The following CERS6 variants were observed in gnomAD, a reference collection of about 807,000 sequenced individuals.
CERS6 encodes ceramide synthase 6.
In CERS6, 26 loss-of-function variants were observed where a neutral mutation model predicts 56.8. That is an observed-to-expected ratio of 0.46 (90% CI 0.34 to 0.63). CERS6 has a LOEUF of 0.63. CERS6 is among the 30% of genes least tolerant of loss of function. CERS6 has a pLI of 0.01. For synonymous variants in CERS6, 164 were observed against 173.3 expected, an observed-to-expected ratio of 0.95 and a Z score of 0.42; for missense variants, 415 against 467.5, an observed-to-expected ratio of 0.89 and a Z score of 1.04.
rs540238582 is a variant in CERS6 at position 168,758,712 on chromosome 2, A to G, written c.846-6880A>G. On this transcript the variant is annotated intron_variant, in intron 8 of 9. Coordinates refer to ENST00000305747, the MANE Select transcript of CERS6 (RefSeq NM_203463.3). ...CATCTAATTTTACATATTACGGAGA[A>G]TGGATTTAAACTCTTACTTGGAAGT... Among the ~76,000 whole-genome samples, 171 of 152,354 alleles carry G rather than the reference A, an allele frequency of 1.1e-3. 1 individual carries two copies. The highest frequency in any genetic ancestry group is 3.7e-3 in the African/African-American group (155 of 41,590).
rs1461495760 is a variant in CERS6, at chr2:168,765,752, A to G, written c.1002+4A>G. The G allele has an allele frequency of 6.2e-7, 1 of 1,606,930 alleles. No homozygotes were observed. Among genetic ancestry groups the G allele is most frequent in the Admixed American group, 1.7e-5 (1 of 58,548 alleles). On this transcript the variant is annotated splice_donor_region_variant and intron_variant, in intron 9 of 9. Coordinates refer to ENST00000305747, the MANE Select transcript of CERS6 (RefSeq NM_203463.3). ...CAAAGCTGTTTCAAGAGGCAAGGTAAGCTACAACTCACTTTTTCCAATATG... is the reference window on the plus strand; with the variant it reads ...CAAAGCTGTTTCAAGAGGCAAGGTAGGCTACAACTCACTTTTTCCAATATG...
chr2:168,520,388 A>C (rs1254846023), intron 1 of CERS6, among the ~76,000 whole-genome samples: 1 of 151,624 alleles, frequency 6.6e-6, no homozygotes, highest in Non-Finnish European at 1.5e-5. Flanking sequence ...TTGTCTGTTT[A>C]CTCTATTGAT....
At chr2:168,704,577 A>T (rs1474855084) in intron 6 of CERS6, among the ~76,000 whole-genome samples, 1 of 151,088 alleles carries the variant, frequency 6.6e-6, no homozygotes, top group African/African-American at 2.4e-5. Context: ...CACCCCTTCC[A>T]CTCAAGGCTC....
intron 4 of CERS6, among the ~76,000 whole-genome samples, chr2:168,674,897 C>T (rs1393399368): frequency 6.6e-6 from 1 of 152,034 alleles, no homozygotes; most frequent in East Asian, 1.9e-4. Context: ...TTGATGTTAG[C>T]TATTTGTCAT....
chr2:168,672,706 A>G (rs922669919), intron 4 of CERS6, among the ~76,000 whole-genome samples: 4 of 152,328 alleles, frequency 2.6e-5, no homozygotes, highest in African/African-American at 9.6e-5. Flanking sequence ...TGATTCATTC[A>G]GAGAGAAGCT....
intron 4 of CERS6, chr2:168,644,012 G>A: frequency 1.2e-6 from 1 of 811,452 alleles, no homozygotes; most frequent in Non-Finnish European, 1.5e-6. Context: ...TATATCCAGA[G>A]GGAAATGCCA....
At chr2:168,593,019 A>G (rs1016570665) in intron 3 of CERS6, among the ~76,000 whole-genome samples, 1 of 152,136 alleles carries the variant, frequency 6.6e-6, no homozygotes, top group Non-Finnish European at 1.5e-5. Flanking sequence ...GGCCTCTTCT[A>G]GTTTAATCTA....
chr2:168,634,816 G>T (rs1301736678), intron 4 of CERS6, among the ~76,000 whole-genome samples: 1 of 152,160 alleles, frequency 6.6e-6, no homozygotes, highest in Non-Finnish European at 1.5e-5. Context: ...TCAGTCAGGG[G>T]TCCATAGGAG....
intron 3 of CERS6, among the ~76,000 whole-genome samples, chr2:168,594,564 G>A (rs1422242239): frequency 1.3e-5 from 2 of 152,090 alleles, no homozygotes; most frequent in African/African-American, 4.8e-5. Flanking sequence ...CAGCCTCAAT[G>A]ACAGAGTGAG....
At position 168,771,997 on chromosome 2, in the gene CERS6, T is replaced by C. The variant is rs919380973; in HGVS notation, c.*2335T>C. The C allele has an allele frequency of 6.6e-6, 1 of 152,198 alleles. No homozygotes were observed. Among genetic ancestry groups the C allele is most frequent in the African/African-American group, 2.4e-5 (1 of 41,454 alleles). 9.4% of individuals were successfully genotyped at this position (152,198 alleles called of 1,614,324 possible). On this transcript the variant is annotated 3_prime_UTR_variant, in exon 10 of 10. Transcript: ENST00000305747. ...TTTCATTTTACATTTTAGGGCACAGTTCTTTGGGGCTAATTAAAATGGGGT... is the reference window on the plus strand; with the variant it reads ...TTTCATTTTACATTTTAGGGCACAGCTCTTTGGGGCTAATTAAAATGGGGT...
intron 1 of CERS6, among the ~76,000 whole-genome samples, chr2:168,466,010 C>CTTTT (rs35424614): frequency 0.039 from 5,557 of 144,110 alleles, 209 homozygotes; most frequent in African/African-American, 0.094. Context: ...TCAAGCACTG[C>CTTTT]TTTTTTTTTT....
intron 3 of CERS6, among the ~76,000 whole-genome samples, chr2:168,588,946 C>T (rs1037396619): frequency 4.6e-5 from 7 of 152,152 alleles, no homozygotes; most frequent in Admixed American, 3.9e-4. Context: ...TGCCATGTTG[C>T]CCAGGCTGGT....
rs371125860 is a variant in CERS6, at chr2:168,665,045, T to C, written c.466-25989T>C. On this transcript the variant is annotated intron_variant, in intron 4 of 9. Transcript: ENST00000305747. ...GCCTACCTTGTCTTGAGCTTCTGTT[T>C]CTTTGAGTTTTTCTCTTCTTTGCAG... 5.7e-4 allele frequency among the ~76,000 whole-genome samples: 87 copies of C among 152,334 alleles called. No individual in the cohort carries two copies. In the Middle Eastern group the frequency reaches 0.01, roughly 18 times the overall value.
intron 8 of CERS6, among the ~76,000 whole-genome samples, chr2:168,741,983 TTCAG>T (rs1238727859): frequency 6.6e-6 from 1 of 152,190 alleles, no homozygotes; most frequent in Non-Finnish European, 1.5e-5. Context: ...CCCGCCCAAC[TTCAG>T]TCAGAGTATT....
chr2:168,758,948 CA>C (rs61482784), intron 8 of CERS6, among the ~76,000 whole-genome samples: 2 of 150,570 alleles, frequency 1.3e-5, no homozygotes, highest in South Asian at 2.1e-4. Flanking sequence ...GTTTGCCTCA[CA>C]AAAAAAAAGA....
At chr2:168,669,890 A>G (rs1195904012) in intron 4 of CERS6, among the ~76,000 whole-genome samples, 1 of 152,232 alleles carries the variant, frequency 6.6e-6, no homozygotes, top group Non-Finnish European at 1.5e-5. Flanking sequence ...AAAGACCAGA[A>G]TGATTAGACA....
At chr2:168,659,479 C>T (rs1360185130) in intron 4 of CERS6, among the ~76,000 whole-genome samples, 2 of 152,068 alleles carry the variant, frequency 1.3e-5, no homozygotes, top group Non-Finnish European at 2.9e-5. Context: ...ACACATTGTT[C>T]ATCAGATTAC....
chr2:168,644,103 A>G (rs1271781501), intron 4 of CERS6: 1 of 985,120 alleles, frequency 1.0e-6, no homozygotes, highest in Non-Finnish European at 1.2e-6. Flanking sequence ...CTTACAGGCT[A>G]ATAGGAGATA....
chr2:168,739,142 C>T (rs1186057824), intron 8 of CERS6, among the ~76,000 whole-genome samples: 1 of 138,074 alleles, frequency 7.2e-6, no homozygotes, highest in African/African-American at 2.7e-5. Flanking sequence ...TTCCTGAGCT[C>T]GGGTAATCCG....
Sources: gnomAD v4.1 joint callset for allele counts (sites outside exome capture counted in the v4.1 genomes callset) on GRCh38, gnomAD v4.1.1 for gene constraint, MANE v1.5 for transcripts, NCBI Gene and HGNC (gene_info 2026-07-23, HGNC 2026-07-21) for gene names.